Variants in GRIK2 observed in about 807,000 individuals in gnomAD.
GRIK2 encodes the protein glutamate ionotropic receptor kainate type subunit 2.
Under a neutral mutation model 100.3 loss-of-function variants are expected in GRIK2, and 32 were observed. The observed-to-expected ratio is 0.32, with a 90% CI of 0.24 to 0.43. The LOEUF (loss-of-function observed/expected upper bound fraction) is 0.43. Among genes scored for constraint, GRIK2 ranks in the 20% least tolerant of loss-of-function variants. The pLI is 1.00. For synonymous variants in GRIK2, 417 were observed against 389.4 expected, an observed-to-expected ratio of 1.07 and a Z score of -0.83; for missense variants, 843 against 1,114.9, an observed-to-expected ratio of 0.76 and a Z score of 3.47.
intron 7 of GRIK2, among the ~76,000 whole-genome samples, chr6:101,799,277 T>TTGTGTGTGTGTGTG (rs58920833): frequency 1.9e-4 from 28 of 146,646 alleles, no homozygotes; most frequent in African/African-American, 6.5e-4. Context: ...AATGTACTCA[T>TTGTGTGTGTGTGTG]TGTGTGTGTG....
chr6:101,400,935 T>C (rs947000942), intron 2 of GRIK2, among the ~76,000 whole-genome samples: 2 of 152,236 alleles, frequency 1.3e-5, no homozygotes, highest in African/African-American at 4.8e-5. Flanking sequence ...GGAATGATTG[T>C]TTCTGTGGAC....
At chr6:101,793,272 A>G (rs1308039565) in intron 7 of GRIK2, among the ~76,000 whole-genome samples, 2 of 152,120 alleles carry the variant, frequency 1.3e-5, no homozygotes, top group African/African-American at 2.4e-5. Context: ...CCTTTGGAGG[A>G]GGAGAGGTGC....
chr6:101,566,890 G>A (rs1777302571), intron 2 of GRIK2, among the ~76,000 whole-genome samples: 1 of 149,628 alleles, frequency 6.7e-6, no homozygotes, highest in Non-Finnish European at 1.5e-5. Flanking sequence ...ATTCAGATAT[G>A]TATACATATA....
intron 2 of GRIK2, among the ~76,000 whole-genome samples, chr6:101,578,264 A>G (rs1441249375): frequency 6.6e-6 from 1 of 152,184 alleles, no homozygotes; most frequent in East Asian, 1.9e-4. Flanking sequence ...AGAGTACTGA[A>G]ATATGCCCTC....
intron 2 of GRIK2, among the ~76,000 whole-genome samples, chr6:101,548,589 G>A (rs578239860): frequency 1.7e-4 from 26 of 152,170 alleles, no homozygotes; most frequent in African/African-American, 4.8e-4. Context: ...TCCTTTCCTC[G>A]TTTCTCGTTT....
At chr6:101,941,499 T>G (rs1578292) in intron 14 of GRIK2, among the ~76,000 whole-genome samples, 3,291 of 152,130 alleles carry the variant, frequency 0.022, 129 homozygotes, top group African/African-American at 0.076. Flanking sequence ...ATGCAATTTT[T>G]TTTTTCTTAA....
At chr6:101,594,129 A>G (rs1778798922) in intron 2 of GRIK2, among the ~76,000 whole-genome samples, 1 of 151,860 alleles carries the variant, frequency 6.6e-6, no homozygotes, top group Non-Finnish European at 1.5e-5. Context: ...GATACCTTGA[A>G]AAGGAAAACA....
chr6:101,554,375 G>A (rs576778471), intron 2 of GRIK2, among the ~76,000 whole-genome samples: 7 of 152,208 alleles, frequency 4.6e-5, no homozygotes, highest in African/African-American at 1.7e-4. Flanking sequence ...GTGACTTTTT[G>A]TTCTTTGCAA....
chr6:101,827,203 T>C (rs544988324), intron 10 of GRIK2, among the ~76,000 whole-genome samples: 159 of 152,100 alleles, frequency 1.0e-3, no homozygotes, highest in African/African-American at 3.6e-3. Context: ...CGTATATGAT[T>C]ATGCTTGCAT....
chr6:101,415,102 T>C (rs1482157313), intron 2 of GRIK2, among the ~76,000 whole-genome samples: 2 of 152,086 alleles, frequency 1.3e-5, no homozygotes, highest in African/African-American at 2.4e-5. Context: ...AATTACACCA[T>C]GCAGCTATAA....
chr6:101,691,463 A>G (rs932634648), intron 7 of GRIK2, among the ~76,000 whole-genome samples: 10 of 151,758 alleles, frequency 6.6e-5, no homozygotes, highest in African/African-American at 2.4e-4. Context: ...ACGCCTGGCT[A>G]ATTTTTGTAT....
intron 2 of GRIK2, among the ~76,000 whole-genome samples, chr6:101,599,933 T>C (rs115894198): frequency 0.013 from 1,951 of 151,908 alleles, 52 homozygotes; most frequent in African/African-American, 0.044. Flanking sequence ...ATTTTTGTTT[T>C]TGTTGAAATT....
chr6:101,791,331 T>C (rs1421078553), intron 7 of GRIK2, among the ~76,000 whole-genome samples: 3 of 152,232 alleles, frequency 2.0e-5, no homozygotes, highest in East Asian at 1.9e-4. Context: ...TCCTGCTTTC[T>C]CTTGTGGGCA....
intron 2 of GRIK2, among the ~76,000 whole-genome samples, chr6:101,432,319 T>G (rs1456068109): frequency 2.0e-5 from 3 of 152,230 alleles, no homozygotes; most frequent in African/African-American, 7.2e-5. Flanking sequence ...CTGTCCTATG[T>G]GCTTACTAGA....
At chr6:101,839,538 T>G (rs973330273) in intron 10 of GRIK2, among the ~76,000 whole-genome samples, 3 of 152,102 alleles carry the variant, frequency 2.0e-5, no homozygotes, top group African/African-American at 7.2e-5. Flanking sequence ...TTAAAGAAAT[T>G]TTGAAGGATT....
intron 2 of GRIK2, among the ~76,000 whole-genome samples, chr6:101,505,118 A>G (rs544852897): frequency 1.3e-5 from 2 of 150,058 alleles, no homozygotes; most frequent in South Asian, 2.1e-4. Flanking sequence ...TATGTTTAGT[A>G]TTTGGTCAAT....
intron 14 of GRIK2, among the ~76,000 whole-genome samples, chr6:101,989,332 A>G (rs986768089): frequency 2.6e-5 from 4 of 151,800 alleles, no homozygotes; most frequent in African/African-American, 9.6e-5. Context: ...AGTAATTCAC[A>G]CTGGTTTTGA....
chr6:102,048,868 A>AAAT (rs1259342613), intron 15 of GRIK2, among the ~76,000 whole-genome samples: 2 of 152,092 alleles, frequency 1.3e-5, no homozygotes, highest in African/African-American at 2.4e-5. Context: ...AATGAATATA[A>AAAT]AATAAAAGAA....
intron 4 of GRIK2, among the ~76,000 whole-genome samples, chr6:101,635,685 G>A (rs767778009): frequency 2.0e-5 from 3 of 152,096 alleles, no homozygotes; most frequent in Non-Finnish European, 2.9e-5. Context: ...CAAAAAGTGG[G>A]TGAAGGATAT....
Sources: gnomAD v4.1 joint callset for allele counts (sites outside exome capture counted in the v4.1 genomes callset) on GRCh38, gnomAD v4.1.1 for gene constraint, MANE v1.5 for transcripts, NCBI Gene and HGNC (gene_info 2026-07-23, HGNC 2026-07-21) for gene names.